The following NMNAT3 variants were observed in gnomAD, a reference collection of about 807,000 sequenced individuals.
NMNAT3 encodes nicotinamide nucleotide adenylyltransferase 3.
A neutral mutation model predicts 24.8 loss-of-function variants in NMNAT3; 21 were observed. The ratio of observed to expected loss-of-function variants is 0.85; its 90% CI spans 0.60 to 1.22. The LOEUF (loss-of-function observed/expected upper bound fraction) is 1.22. NMNAT3 is among the 50% of genes most tolerant of loss of function. The pLI, the probability that NMNAT3 is intolerant of heterozygous loss-of-function variation, is 0.00. For missense variants in NMNAT3, 387 were observed against 436.6 expected (o/e 0.89, Z 1.01); for synonymous variants, 136 against 155.2 (o/e 0.88, Z 0.92).
chr3:139,611,680 A>C (rs528016437), intron 3 of NMNAT3, among the ~76,000 whole-genome samples: 3 of 152,306 alleles, frequency 2.0e-5, no homozygotes, highest in African/African-American at 7.2e-5. Context: ...GTGAGAGCTA[A>C]GCTTAGCTGG....
At chr3:139,620,699 A>G (rs534578678) in intron 3 of NMNAT3, among the ~76,000 whole-genome samples, 1 of 152,232 alleles carries the variant, frequency 6.6e-6, no homozygotes, top group African/African-American at 2.4e-5. Flanking sequence ...TCATACAGTA[A>G]TATAGTAAAC....
At chr3:139,602,169 G>A (rs961636332) in intron 3 of NMNAT3, among the ~76,000 whole-genome samples, 2 of 152,152 alleles carry the variant, frequency 1.3e-5, no homozygotes, top group African/African-American at 4.8e-5. Flanking sequence ...CTGCTTAGCT[G>A]CCTTTTTTGC....
intron 1 of NMNAT3, among the ~76,000 whole-genome samples, chr3:139,639,636 T>C (rs990428024): frequency 5.9e-5 from 9 of 152,208 alleles, no homozygotes; most frequent in Non-Finnish European, 1.2e-4. Flanking sequence ...CCTGTGGGAA[T>C]TGTAGCTCAG....
intron 1 of NMNAT3, among the ~76,000 whole-genome samples, chr3:139,675,933 C>T (rs549261004): frequency 2.6e-5 from 4 of 152,238 alleles, no homozygotes; most frequent in Admixed American, 1.3e-4. Flanking sequence ...CTGAGCAATC[C>T]TCACGACTCA....
Position 139,565,859 on chromosome 3 carries a change from A to G in NMNAT3, c.659-4467T>C, listed in dbSNP as rs561014654. The G allele has an allele frequency of 5.9e-5, 9 of 152,252 alleles. No homozygotes were observed. The South Asian group carries it at 1.0e-3, about 18-fold the overall frequency. The allele number at this position is 152,252 out of a possible 1,614,324, so 9.4% of individuals were successfully genotyped here. On this transcript the variant is annotated intron_variant, in intron 6 of 6. Transcript: ENST00000643695. ...TGTCTTTATAGCAGCATGATTTATAATCCTTTGGGTATATACCCAGTAATG... is the reference window on the plus strand; with the variant it reads ...TGTCTTTATAGCAGCATGATTTATAGTCCTTTGGGTATATACCCAGTAATG...
At chr3:139,578,834 G>A (rs1239215548) in intron 5 of NMNAT3, 38 bp downstream of exon 5, 1 of 1,559,826 alleles carries the variant, frequency 6.4e-7, no homozygotes, top group Non-Finnish European at 8.7e-7. Flanking sequence ...CATCTCCCGT[G>A]GCCCCTGGTC....
At chr3:139,608,544 GTTTC>G (rs1158705271) in intron 3 of NMNAT3, among the ~76,000 whole-genome samples, 1 of 152,018 alleles carries the variant, frequency 6.6e-6, no homozygotes, top group Non-Finnish European at 1.5e-5. Context: ...CAAATATGTT[GTTTC>G]TTTTTGTATT....
At chr3:139,568,037 C>T (rs1937524642) in intron 6 of NMNAT3, 1 of 152,168 alleles carries the variant, frequency 6.6e-6, no homozygotes, top group Admixed American at 6.5e-5. Flanking sequence ...TTGGTCTATT[C>T]AGAGATTCAA....
At chr3:139,561,496 G>T in intron 6 of NMNAT3, 104 bp from the exon 7 acceptor site, 1 of 1,071,328 alleles carries the variant, frequency 9.3e-7, no homozygotes, top group Non-Finnish European at 1.3e-6. Context: ...GATGTATCGA[G>T]AACTCAGTGT....
At chr3:139,651,357 A>C (rs1279818149) in intron 1 of NMNAT3, among the ~76,000 whole-genome samples, 1 of 152,150 alleles carries the variant, frequency 6.6e-6, no homozygotes, top group Non-Finnish European at 1.5e-5. Flanking sequence ...TTAGCTCAAG[A>C]AGGTACATTT....
chr3:139,603,213 A>G (rs527629421), intron 3 of NMNAT3, among the ~76,000 whole-genome samples: 1 of 152,310 alleles, frequency 6.6e-6, no homozygotes, highest in East Asian at 1.9e-4. Context: ...ATTCTCCAAG[A>G]AGGGGACAGA....
chr3:139,605,149 G>C (rs550222648), intron 3 of NMNAT3, among the ~76,000 whole-genome samples: 2 of 152,292 alleles, frequency 1.3e-5, no homozygotes, highest in South Asian at 4.1e-4. Flanking sequence ...AGACCCACTG[G>C]AGGCAGATCA....
Position 139,646,089 on chromosome 3 carries a change from GGGT to G in NMNAT3, c.-140-8030_-140-8028del, listed in dbSNP as rs149274872. 2.3e-3 allele frequency among the ~76,000 whole-genome samples: 351 copies of G among 152,292 alleles called. 6 individuals are homozygous for G. In the East Asian group the frequency reaches 0.049, roughly 21 times the overall value. On this transcript the variant is annotated intron_variant, in intron 1 of 6. Coordinates refer to ENST00000643695, the MANE Select transcript of NMNAT3 (RefSeq NM_001320510.2). ...GCAACTTGCCTTTGGGATGTAGGTGGGGTGGGGGCAGTAGGGACAGAGCTGCAA... is the reference window on the plus strand; with the variant it reads ...GCAACTTGCCTTTGGGATGTAGGTGGGGGGGCAGTAGGGACAGAGCTGCAA...
At chr3:139,606,431 T>C (rs570739359) in intron 3 of NMNAT3, among the ~76,000 whole-genome samples, 67 of 152,344 alleles carry the variant, frequency 4.4e-4, no homozygotes, top group African/African-American at 1.5e-3. Context: ...AGAGGGTACA[T>C]GATGTTGATT....
chr3:139,660,088 C>T (rs1019081011), intron 1 of NMNAT3, among the ~76,000 whole-genome samples: 2 of 152,184 alleles, frequency 1.3e-5, no homozygotes, highest in Admixed American at 6.5e-5. Context: ...AAGGTCTCCA[C>T]TACTGTGGTA....
chr3:139,610,444 G>GA (rs564396552), intron 3 of NMNAT3, among the ~76,000 whole-genome samples: 1 of 151,870 alleles, frequency 6.6e-6, no homozygotes, highest in South Asian at 2.1e-4. Flanking sequence ...CACATGATAT[G>GA]AAAAAAAATT....
At chr3:139,601,225 C>T (rs2054700692) in intron 3 of NMNAT3, among the ~76,000 whole-genome samples, 1 of 152,154 alleles carries the variant, frequency 6.6e-6, no homozygotes, top group Non-Finnish European at 1.5e-5. Context: ...ATAACTGAGC[C>T]TGGGCAATCT....
chr3:139,655,975 A>G (rs1331717965), intron 1 of NMNAT3, among the ~76,000 whole-genome samples: 1 of 152,190 alleles, frequency 6.6e-6, no homozygotes, highest in African/African-American at 2.4e-5. Context: ...TTCTGCTTCT[A>G]GCAGGAATTT....
intron 3 of NMNAT3, chr3:139,584,587 A>G (rs1019981693): frequency 1.3e-5 from 2 of 152,142 alleles, no homozygotes; most frequent in Admixed American, 1.3e-4. Context: ...TCCATGACTT[A>G]TTTAGAAGTA....
Sources: gnomAD v4.1 joint callset for allele counts (sites outside exome capture counted in the v4.1 genomes callset) on GRCh38, gnomAD v4.1.1 for gene constraint, MANE v1.5 for transcripts, NCBI Gene and HGNC (gene_info 2026-07-23, HGNC 2026-07-21) for gene names.